Variants in PDGFRL observed in about 807,000 individuals in gnomAD.
PDGFRL encodes the protein platelet-derived growth factor receptor-like protein.
In PDGFRL, 46 loss-of-function variants were observed where a neutral mutation model predicts 37.2. The observed-to-expected ratio is 1.24, with a 90% CI of 0.98 to 1.58. The LOEUF is 1.58. PDGFRL is among the 40% of genes most tolerant of loss of function. PDGFRL has a pLI of 0.00. For missense variants in PDGFRL, 692 were observed against 467.6 expected (o/e 1.48, Z -4.43); for synonymous variants, 251 against 184.3 (o/e 1.36, Z -2.93).
chr8:17,638,768 TATATATATATATATATATAA>T (rs1487873114), intron 5 of PDGFRL, among the ~76,000 whole-genome samples: 2 of 107,594 alleles, frequency 1.9e-5, no homozygotes, highest in African/African-American at 4.4e-5. Flanking sequence ...TATATATATA[TATATATATATATATATATAA>T]TTGTGATATT....
At chr8:17,585,440 C>T (rs547126803) in intron 1 of PDGFRL, among the ~76,000 whole-genome samples, 2 of 152,270 alleles carry the variant, frequency 1.3e-5, no homozygotes, top group East Asian at 1.9e-4. Flanking sequence ...AAAGGAAGGG[C>T]TTGCTACATC....
intron 2 of PDGFRL, among the ~76,000 whole-genome samples, chr8:17,604,627 C>T (rs1185511095): frequency 6.6e-6 from 1 of 151,980 alleles, no homozygotes; most frequent in African/African-American, 2.4e-5. Context: ...GGAGATATAC[C>T]TAATGCTAAA....
At chr8:17,634,855 A>T (rs1473637105) in intron 5 of PDGFRL, among the ~76,000 whole-genome samples, 1 of 152,184 alleles carries the variant, frequency 6.6e-6, no homozygotes, top group Non-Finnish European at 1.5e-5. Context: ...CGGGCAAAAT[A>T]ACTAATGGGT....
intron 1 of PDGFRL, among the ~76,000 whole-genome samples, chr8:17,581,689 G>C (rs1479457160): frequency 6.6e-6 from 1 of 152,134 alleles, no homozygotes; most frequent in African/African-American, 2.4e-5. Context: ...CGCACCATGT[G>C]ATCTCTGCAC....
At position 17,638,800 on chromosome 8, in the gene PDGFRL, T is replaced by C. The variant is rs1211166353; in HGVS notation, c.940-3813T>C. ...ATATATATATATAATTGTGATATTT[T>C]CCTGTTGGGCAAGTCCTTTTATCAT... On this transcript the variant is annotated intron_variant, in intron 5 of 5. Coordinates refer to ENST00000251630, the MANE Select transcript of PDGFRL (RefSeq NM_001372073.1). Among the ~76,000 whole-genome samples the C allele has an allele frequency of 9.6e-5, 13 of 135,638 alleles. No homozygotes were observed. The East Asian group carries it at 2.7e-3, about 28-fold the overall frequency. The allele number at this position is 135,638 out of a possible 152,430, so 89.0% of individuals were successfully genotyped here. A position where few individuals can be genotyped will look rare whatever the true frequency, so the allele number is the denominator to read the frequency against.
At chr8:17,602,424 G>T (rs753101736) in intron 2 of PDGFRL, among the ~76,000 whole-genome samples, 6 of 152,160 alleles carry the variant, frequency 3.9e-5, no homozygotes, top group Non-Finnish European at 8.8e-5. Context: ...GATAAATTCA[G>T]ATCACAGTAC....
chr8:17,587,519 A>G (rs1379427389), intron 1 of PDGFRL, among the ~76,000 whole-genome samples: 1 of 152,168 alleles, frequency 6.6e-6, no homozygotes, highest in Admixed American at 6.6e-5. Context: ...TTTCTTGGGC[A>G]TGATAATGGT....
chr8:17,641,057 A>G (rs377650312), intron 5 of PDGFRL, among the ~76,000 whole-genome samples: 2 of 152,028 alleles, frequency 1.3e-5, no homozygotes, highest in African/African-American at 4.8e-5. Flanking sequence ...AAGTGGGGGA[A>G]AGCCAGCAGT....
chr8:17,629,072 C>T (rs1190530800), intron 4 of PDGFRL, among the ~76,000 whole-genome samples: 1 of 150,232 alleles, frequency 6.7e-6, no homozygotes, highest in Admixed American at 6.7e-5. Flanking sequence ...TATGAGCCAC[C>T]ATGCCCTGCT....
intron 2 of PDGFRL, among the ~76,000 whole-genome samples, chr8:17,609,660 AAAAAAT>A (rs1804364980): frequency 9.7e-6 from 1 of 103,032 alleles, no homozygotes; most frequent in Non-Finnish European, 2.1e-5. Flanking sequence ...AAAAAAAAAA[AAAAAAT>A]AAGAGCCAAA....
intron 2 of PDGFRL, among the ~76,000 whole-genome samples, chr8:17,602,808 A>G (rs1301355533): frequency 1.3e-5 from 2 of 152,148 alleles, no homozygotes; most frequent in African/African-American, 4.8e-5. Flanking sequence ...CTGTGCTACA[A>G]CTGGCTTCCT....
At chr8:17,639,266 T>C (rs1288117088) in intron 5 of PDGFRL, among the ~76,000 whole-genome samples, 1 of 152,158 alleles carries the variant, frequency 6.6e-6, no homozygotes, top group African/African-American at 2.4e-5. Context: ...CATTCAACAT[T>C]AGTATTCAGA....
chr8:17,595,441 C>T (rs1399579560), intron 2 of PDGFRL, among the ~76,000 whole-genome samples: 2 of 152,190 alleles, frequency 1.3e-5, no homozygotes, highest in African/African-American at 4.8e-5. Flanking sequence ...AGGTAGCCGC[C>T]CTATTTTGGA....
At chr8:17,630,885 G>C (rs1804847855) in intron 4 of PDGFRL, among the ~76,000 whole-genome samples, 1 of 152,054 alleles carries the variant, frequency 6.6e-6, no homozygotes, top group African/African-American at 2.4e-5. Context: ...CCCTCAGCTG[G>C]AGGCTGCCTC....
intron 1 of PDGFRL, among the ~76,000 whole-genome samples, chr8:17,584,677 C>T (rs774190988): frequency 6.6e-6 from 1 of 150,410 alleles, no homozygotes; most frequent in African/African-American, 2.4e-5. Context: ...CAGATTGAGG[C>T]CTTTATCCTG....
chr8:17,591,019 A>T (rs1433699727), intron 2 of PDGFRL, among the ~76,000 whole-genome samples: 1 of 151,838 alleles, frequency 6.6e-6, no homozygotes, highest in African/African-American at 2.4e-5. Flanking sequence ...AGTAGCTGGG[A>T]CTACAGGTGC....
At position 17,642,630 on chromosome 8, in the gene PDGFRL, G is replaced by T. The variant is rs201682806; in HGVS notation, c.957G>T (p.Thr319=). 3 of 1,607,682 alleles carry T rather than the reference G, an allele frequency of 1.9e-6. No homozygotes were observed. Among genetic ancestry groups the T allele is most frequent in the Non-Finnish European group, 2.6e-6 (3 of 1,174,272 alleles). The change falls in exon 6 of 6, where the codon ACG becomes ACT. Residue 319 remains threonine, a synonymous_variant. Coordinates refer to ENST00000251630, the MANE Select transcript of PDGFRL (RefSeq NM_001372073.1). ...TTAAACAGGATGAAAGGCCTGTGAC[G>T]ATCCAAGACACTTGGAGGTTGATCC... is the stretch of plus-strand genomic sequence containing the variant. The part of the protein sequence containing the change: ...FPGQKDERPV[T]IQDTWRLIHR...
chr8:17,628,553 A>T lies in PDGFRL; in HGVS notation c.572A>T (p.Gln191Leu), dbSNP rs1411840869. The change falls in exon 4 of 6, where the codon CAG (glutamine) becomes CTG (leucine). Residue 191 changes from glutamine to leucine, a missense_variant. Physicochemically the swap from Gln to Leu is moderately radical, Grantham distance 113. Coordinates refer to ENST00000251630, the MANE Select transcript of PDGFRL (RefSeq NM_001372073.1). ...FDVVYLNPDR[Q>L]AVVPCRVTVL... Reference sequence around the variant, plus strand: ...GTTGTCTACTTGAACCCGGACAGACAGGCTGTGGTTCCTTGTCGGGTGACC... The same window carrying T: ...GTTGTCTACTTGAACCCGGACAGACTGGCTGTGGTTCCTTGTCGGGTGACC... 6.2e-7 allele frequency: 1 copy of T among 1,613,866 alleles called. No homozygotes were observed. The highest frequency in any genetic ancestry group is 8.5e-7 in the Non-Finnish European group (1 of 1,179,838).
At chr8:17,579,217 A>G (rs1803654494) in intron 1 of PDGFRL, among the ~76,000 whole-genome samples, 1 of 152,190 alleles carries the variant, frequency 6.6e-6, no homozygotes, top group Non-Finnish European at 1.5e-5. Context: ...GATAAAAATA[A>G]AAGCACACAT....
Sources: allele counts gnomAD v4.1 joint callset (sites outside exome capture counted in the v4.1 genomes callset), GRCh38; gene constraint gnomAD v4.1.1; transcripts MANE v1.5; gene names NCBI Gene and HGNC (gene_info 2026-07-23, HGNC 2026-07-21).